Variants in PPP4R3B observed in about 807,000 individuals in gnomAD.
The protein encoded by PPP4R3B is serine/threonine-protein phosphatase 4 regulatory subunit 3B.
In PPP4R3B, 52 loss-of-function variants were observed where a neutral mutation model predicts 95.4. That is an observed-to-expected ratio of 0.54 (90% CI 0.44 to 0.69). The LOEUF (loss-of-function observed/expected upper bound fraction) is 0.69, where lower values mean the gene tolerates loss of function less well. Ranked by LOEUF, PPP4R3B falls within the 30% of genes least tolerant of loss-of-function variation. The probability of loss-of-function intolerance (pLI) is 0.00; values close to 1 mark genes in which losing one functional copy is unlikely to be tolerated. For missense variants in PPP4R3B, 1,003 were observed against 1,005.9 expected (o/e 1.00, Z 0.04); for synonymous variants, 407 against 343.9 (o/e 1.18, Z -2.03).
At chr2:55,616,448 G>A (rs1433228665) in intron 1 of PPP4R3B, 1 of 152,096 alleles carries the variant, frequency 6.6e-6, no homozygotes, top group Non-Finnish European at 1.5e-5. Context: ...TTTTAATTAC[G>A]GCTCTACATT....
rs1249132156 is a variant in PPP4R3B, at chr2:55,570,180, G to T, written c.1766-1817C>A. ...CAGGAGAATCACTTGAACCCTGGAG[G>T]TGGAGGTTGCAGTGAGCTGAGATCG... On this transcript the variant is annotated intron_variant, in intron 12 of 16. Transcript: ENST00000616407. Among the ~76,000 whole-genome samples, 4 of 152,198 alleles carry T rather than the reference G, an allele frequency of 2.6e-5. No homozygotes were observed. The South Asian group carries it at 6.2e-4, about 24-fold the overall frequency.
At chr2:55,595,914 A>C (rs1665153795) in intron 4 of PPP4R3B, among the ~76,000 whole-genome samples, 1 of 152,214 alleles carries the variant, frequency 6.6e-6, no homozygotes, top group Non-Finnish European at 1.5e-5. Context: ...TATGGAAATA[A>C]CAAAAGCAGT....
chr2:55,582,613 G>A (rs763525808), intron 7 of PPP4R3B, among the ~76,000 whole-genome samples: 1 of 152,146 alleles, frequency 6.6e-6, no homozygotes, highest in Non-Finnish European at 1.5e-5. Context: ...TCAGCCAAGT[G>A]GTAATCGTGA....
chr2:55,555,542 C>A (rs1463503704), intron 16 of PPP4R3B, among the ~76,000 whole-genome samples: 1 of 151,920 alleles, frequency 6.6e-6, no homozygotes, highest in Non-Finnish European at 1.5e-5. Flanking sequence ...GGTGAAACCC[C>A]ATCTCTACTG....
intron 4 of PPP4R3B, among the ~76,000 whole-genome samples, chr2:55,590,453 T>C (rs533127208): frequency 1.5e-3 from 236 of 152,326 alleles, no homozygotes; most frequent in African/African-American, 5.5e-3. Flanking sequence ...TGGTTATCTA[T>C]ATTTTCTAAT....
intron 3 of PPP4R3B, among the ~76,000 whole-genome samples, chr2:55,602,610 G>A (rs557863962): frequency 6.9e-4 from 105 of 152,258 alleles, no homozygotes; most frequent in African/African-American, 2.2e-3. Context: ...GAAAACCCTG[G>A]ACACGAAGGT....
intron 16 of PPP4R3B, among the ~76,000 whole-genome samples, chr2:55,555,037 T>C (rs1685666664): frequency 6.6e-6 from 1 of 152,070 alleles, no homozygotes; most frequent in South Asian, 2.1e-4. Context: ...TCCCAACACT[T>C]TGGGAGGCCG....
chr2:55,566,332 G>A (rs969152753), intron 13 of PPP4R3B, among the ~76,000 whole-genome samples: 3 of 152,078 alleles, frequency 2.0e-5, no homozygotes, highest in East Asian at 1.9e-4. Context: ...TACACAAATC[G>A]ACCACTCGAA....
chr2:55,561,175 TAG>T (rs370103682), intron 15 of PPP4R3B, among the ~76,000 whole-genome samples: 102 of 152,062 alleles, frequency 6.7e-4, no homozygotes, highest in African/African-American at 2.4e-3. Flanking sequence ...GCCATGGCTT[TAG>T]AGCGTGCAAG....
chr2:55,591,335 G>A (rs1690995546), intron 4 of PPP4R3B, among the ~76,000 whole-genome samples: 1 of 151,076 alleles, frequency 6.6e-6, no homozygotes, highest in South Asian at 2.1e-4. Flanking sequence ...AGATGGGGGG[G>A]TTTCACTTTG....
intron 2 of PPP4R3B, among the ~76,000 whole-genome samples, chr2:55,604,924 C>T (rs1279330568): frequency 1.3e-5 from 2 of 152,182 alleles, no homozygotes; most frequent in East Asian, 1.9e-4. Flanking sequence ...ACTGCAGCCT[C>T]GACCTCCTAG....
intron 7 of PPP4R3B, among the ~76,000 whole-genome samples, chr2:55,584,622 T>C (rs186180823): frequency 6.6e-6 from 1 of 152,340 alleles, no homozygotes; most frequent in Admixed American, 6.5e-5. Context: ...CCTGAGTTAC[T>C]GCACTTAGAA....
At chr2:55,564,754 A>G in intron 14 of PPP4R3B, 148 bp downstream of exon 14, 3 of 853,996 alleles carry the variant, frequency 3.5e-6, no homozygotes, top group South Asian at 1.7e-5. Flanking sequence ...GATATGGGGT[A>G]GGGGGGACGC....
intron 3 of PPP4R3B, among the ~76,000 whole-genome samples, chr2:55,603,038 T>C (rs2103741286): frequency 6.6e-6 from 1 of 151,222 alleles, no homozygotes; most frequent in Admixed American, 6.6e-5. Flanking sequence ...CACTGAAACC[T>C]CCCTCAGAGG....
intron 13 of PPP4R3B, 51 bp from the exon 14 acceptor site, chr2:55,565,092 A>C: frequency 7.1e-7 from 1 of 1,405,280 alleles, no homozygotes; most frequent in Non-Finnish European, 9.4e-7. Flanking sequence ...GCTTGTTAGA[A>C]GAAAAACTTT....
At chr2:55,567,520 G>A (rs570344890) in intron 13 of PPP4R3B, among the ~76,000 whole-genome samples, 1 of 152,150 alleles carries the variant, frequency 6.6e-6, no homozygotes, top group East Asian at 1.9e-4. Context: ...GATGCAAGTG[G>A]TTCTTGTGCC....
At chr2:55,612,112 G>A (rs1694251456) in intron 2 of PPP4R3B, among the ~76,000 whole-genome samples, 1 of 152,126 alleles carries the variant, frequency 6.6e-6, no homozygotes, top group South Asian at 2.1e-4. Flanking sequence ...TAAAAAACCC[G>A]CTAATGGAAA....
At chr2:55,588,671 C>G (rs753594540) in intron 5 of PPP4R3B, among the ~76,000 whole-genome samples, 1 of 152,058 alleles carries the variant, frequency 6.6e-6, no homozygotes, top group Non-Finnish European at 1.5e-5. Context: ...TACATCAGAA[C>G]ATCCTAAGAA....
intron 13 of PPP4R3B, among the ~76,000 whole-genome samples, chr2:55,566,522 T>C (rs1295446241): frequency 9.9e-5 from 15 of 152,238 alleles, no homozygotes. Context: ...ACCATGTTCC[T>C]TCTTTTACCA....
Sources: allele counts gnomAD v4.1 joint callset (sites outside exome capture counted in the v4.1 genomes callset), GRCh38; gene constraint gnomAD v4.1.1; transcripts MANE v1.5; gene names NCBI Gene and HGNC (gene_info 2026-07-23, HGNC 2026-07-21).